Variants in PPP2R5E observed in about 807,000 individuals in gnomAD.
PPP2R5E encodes serine/threonine-protein phosphatase 2A 56 kDa regulatory subunit epsilon isoform.
PPP2R5E carries 4 observed loss-of-function variants against 65.3 expected under a neutral mutation model. That is an observed-to-expected ratio of 0.06 (90% confidence interval 0.03 to 0.14). PPP2R5E has a LOEUF of 0.14. Among genes scored for constraint, PPP2R5E ranks in the 10% least tolerant of loss-of-function variants. PPP2R5E has a pLI of 1.00. For synonymous variants in PPP2R5E, 183 were observed against 187.4 expected (o/e 0.98, Z 0.19); for missense variants, 274 against 556.1 (o/e 0.49, Z 5.10).
At chr14:63,446,209 C>T (rs1299998885) in intron 3 of PPP2R5E, among the ~76,000 whole-genome samples, 1 of 152,164 alleles carries the variant, frequency 6.6e-6, no homozygotes, top group Admixed American at 6.5e-5. Flanking sequence ...TCTTGCTATT[C>T]CCATCACATC....
chr14:63,381,978 T>C (rs1884392057), intron 13 of PPP2R5E, 78 bp downstream of exon 13: 7 of 1,158,636 alleles, frequency 6.0e-6, no homozygotes, highest in Non-Finnish European at 8.5e-6. Flanking sequence ...TGGGGTACAA[T>C]TAGGCAACTT....
chr14:63,474,673 C>CAAAAAAAAAAAAAAA (rs1157357885), intron 2 of PPP2R5E, among the ~76,000 whole-genome samples: 7 of 27,722 alleles, frequency 2.5e-4, no homozygotes, highest in Admixed American at 7.2e-4. Context: ...TACCCCATCT[C>CAAAAAAAAAAAAAAA]AAAAAAAAAA....
At chr14:63,466,687 G>A (rs1009583483) in intron 2 of PPP2R5E, among the ~76,000 whole-genome samples, 2 of 152,178 alleles carry the variant, frequency 1.3e-5, no homozygotes, top group South Asian at 2.1e-4. Flanking sequence ...ATTTCCTCGT[G>A]TGTATAAAAG....
Position 63,515,614 on chromosome 14 carries a change from G to A in PPP2R5E, c.157+23915C>T, listed in dbSNP as rs577717717. ...TGGCTCACTGCAACCTCCGCCTCCC[G>A]GATTCAAACAATTCTCCTGCCTCAG... On this transcript the variant is annotated intron_variant, in intron 2 of 13. Transcript: ENST00000337537. Among the ~76,000 whole-genome samples, 44 of 151,250 alleles carry A rather than the reference G, an allele frequency of 2.9e-4. 1 individual carries two copies. The highest frequency in any genetic ancestry group is 9.5e-4 in the African/African-American group (39 of 41,164).
chr14:63,462,007 C>G (rs940981367), intron 2 of PPP2R5E, among the ~76,000 whole-genome samples: 25 of 152,026 alleles, frequency 1.6e-4, no homozygotes, highest in Admixed American at 1.6e-3. Context: ...TTCCTTTCTT[C>G]CAATACTTTT....
intron 2 of PPP2R5E, among the ~76,000 whole-genome samples, chr14:63,474,350 G>A (rs1890288317): frequency 6.6e-6 from 1 of 152,186 alleles, no homozygotes. Flanking sequence ...GCACCTGGGT[G>A]AACAGAGGAG....
chr14:63,421,655 G>T (rs990812201), intron 4 of PPP2R5E, among the ~76,000 whole-genome samples: 2 of 152,212 alleles, frequency 1.3e-5, no homozygotes, highest in African/African-American at 4.8e-5. Context: ...TACTCTGTGA[G>T]CTAATCACAT....
chr14:63,539,802 T>C, intron 1 of PPP2R5E, 110 bp from the exon 2 acceptor site: 6 of 1,156,378 alleles, frequency 5.2e-6, no homozygotes, highest in Non-Finnish European at 7.2e-6. Flanking sequence ...AATGGGAATA[T>C]GTGCTAAAGA....
At chr14:63,464,263 T>C (rs753602243) in intron 2 of PPP2R5E, among the ~76,000 whole-genome samples, 1 of 152,012 alleles carries the variant, frequency 6.6e-6, no homozygotes, top group African/African-American at 2.4e-5. Flanking sequence ...ATAATAAACA[T>C]GTTATACGGT....
intron 5 of PPP2R5E, among the ~76,000 whole-genome samples, chr14:63,405,179 G>A (rs1404484277): frequency 6.6e-6 from 1 of 152,148 alleles, no homozygotes; most frequent in African/African-American, 2.4e-5. Flanking sequence ...ACTGGTAATT[G>A]GCAATGGCTA....
chr14:63,376,060 C>T lies in PPP2R5E; in HGVS notation c.1353G>A (p.Glu451=). 5.6e-6 allele frequency: 9 copies of T among 1,610,252 alleles called. No homozygotes were observed. Among genetic ancestry groups the T allele is most frequent in the Non-Finnish European group, 5.9e-6 (7 of 1,176,726 alleles). The stretch of plus-strand genomic sequence containing the variant: ...TAAGACCTCTCTTTAACTCCAGATC[C>T]TCCAATTTTTTCCACAATTCTTCAC... The part of the protein sequence containing the change: ...KEREELWKKL[E]DLELKRGLRR... Residue 451 remains glutamate (E), a synonymous_variant, in exon 14 of 14, where the codon GAG becomes GAA. Transcript: ENST00000337537.
chr14:63,423,427 T>C (rs938954299), intron 3 of PPP2R5E, among the ~76,000 whole-genome samples: 1 of 152,224 alleles, frequency 6.6e-6, no homozygotes, highest in Non-Finnish European at 1.5e-5. Context: ...AAAATGTTTA[T>C]GTTTTAAATG....
At chr14:63,468,808 C>T (rs1021772153) in intron 2 of PPP2R5E, among the ~76,000 whole-genome samples, 13 of 152,182 alleles carry the variant, frequency 8.5e-5, no homozygotes, top group South Asian at 2.1e-4. Context: ...TAGTAACTTA[C>T]ACTTAGAGTT....
At chr14:63,482,767 A>T (rs1890777741) in intron 2 of PPP2R5E, among the ~76,000 whole-genome samples, 1 of 152,220 alleles carries the variant, frequency 6.6e-6, no homozygotes, top group Non-Finnish European at 1.5e-5. Context: ...ATAGTCAGAC[A>T]GCCCCTAGAA....
At chr14:63,444,238 C>T (rs1402269114) in intron 3 of PPP2R5E, among the ~76,000 whole-genome samples, 1 of 152,182 alleles carries the variant, frequency 6.6e-6, no homozygotes, top group Non-Finnish European at 1.5e-5. Flanking sequence ...TTTGGGAATT[C>T]CTTTGCATCA....
chr14:63,393,167 C>T (rs1274950934), intron 8 of PPP2R5E, among the ~76,000 whole-genome samples: 1 of 152,044 alleles, frequency 6.6e-6, no homozygotes, highest in Non-Finnish European at 1.5e-5. Context: ...AACATTAAAA[C>T]ATGATTACAT....
intron 13 of PPP2R5E, 91 bp from the exon 14 acceptor site, chr14:63,376,199 T>C: frequency 1.2e-6 from 1 of 862,922 alleles, no homozygotes; most frequent in Non-Finnish European, 1.8e-6. Flanking sequence ...TAACACTCCT[T>C]TATACTTAGC....
intron 7 of PPP2R5E, among the ~76,000 whole-genome samples, chr14:63,394,450 T>C (rs1368786045): frequency 6.6e-6 from 1 of 152,234 alleles, no homozygotes; most frequent in East Asian, 1.9e-4. Flanking sequence ...GAAAATTTGC[T>C]TCTGGTCACC....
At chr14:63,463,189 G>T (rs1040691334) in intron 2 of PPP2R5E, among the ~76,000 whole-genome samples, 1 of 150,788 alleles carries the variant, frequency 6.6e-6, no homozygotes, top group African/African-American at 2.4e-5. Flanking sequence ...CACCCAGGCT[G>T]GAGGCAATGG....
Sources: gnomAD v4.1 joint callset for allele counts (sites outside exome capture counted in the v4.1 genomes callset) on GRCh38, gnomAD v4.1.1 for gene constraint, MANE v1.5 for transcripts, NCBI Gene and HGNC (gene_info 2026-07-23, HGNC 2026-07-21) for gene names.